The following DPY19L1 variants were observed in gnomAD, a reference collection of about 807,000 sequenced individuals.
The protein encoded by DPY19L1 is dpy-19 like C-mannosyltransferase 1.
DPY19L1 carries 35 observed loss-of-function variants against 96.9 expected under a neutral mutation model. The ratio of observed to expected loss-of-function variants is 0.36; its 90% confidence interval spans 0.28 to 0.48. The LOEUF is 0.48. Ranked by LOEUF, DPY19L1 falls within the 20% of genes least tolerant of loss-of-function variation. The pLI is 0.99. For synonymous variants in DPY19L1, 205 were observed against 252.6 expected (o/e 0.81, Z 1.79); for missense variants, 521 against 777.9 (o/e 0.67, Z 3.93).
At chr7:35,029,941 T>A (rs1786221016) in intron 1 of DPY19L1, among the ~76,000 whole-genome samples, 1 of 152,196 alleles carries the variant, frequency 6.6e-6, no homozygotes, top group Non-Finnish European at 1.5e-5. Flanking sequence ...AACTCAATAA[T>A]TACATTGGGC....
At chr7:35,029,043 A>G (rs1295456554) in intron 1 of DPY19L1, among the ~76,000 whole-genome samples, 1 of 152,188 alleles carries the variant, frequency 6.6e-6, no homozygotes, top group Non-Finnish European at 1.5e-5. Flanking sequence ...TTTTATCAGC[A>G]GGGTCTTTGT....
intron 16 of DPY19L1, among the ~76,000 whole-genome samples, chr7:34,942,840 T>C (rs1186468942): frequency 6.6e-6 from 1 of 152,182 alleles, no homozygotes; most frequent in East Asian, 1.9e-4. Context: ...AGAATGACAA[T>C]GTTGTATTAT....
chr7:35,018,151 CCT>C (rs1785905675), intron 2 of DPY19L1, among the ~76,000 whole-genome samples, 182 bp from the exon 3 acceptor site: 1 of 151,766 alleles, frequency 6.6e-6, no homozygotes, highest in Non-Finnish European at 1.5e-5. Context: ...CTAAAATTTC[CCT>C]CTCTAAAAAA....
intron 1 of DPY19L1, among the ~76,000 whole-genome samples, chr7:35,036,633 T>G (rs1786407896): frequency 6.6e-6 from 1 of 151,898 alleles, no homozygotes; most frequent in African/African-American, 2.4e-5. Flanking sequence ...ACGCTAAAAT[T>G]TAATTATAAG....
intron 21 of DPY19L1, among the ~76,000 whole-genome samples, chr7:34,936,867 T>C (rs1405491006): frequency 6.6e-6 from 1 of 152,220 alleles, no homozygotes; most frequent in East Asian, 1.9e-4. Flanking sequence ...AACAATGTTG[T>C]CTTAATACCA....
At chr7:34,979,246 A>G (rs1784890621) in intron 7 of DPY19L1, among the ~76,000 whole-genome samples, 1 of 152,108 alleles carries the variant, frequency 6.6e-6, no homozygotes, top group South Asian at 2.1e-4. Context: ...TAGAAAATAT[A>G]TCTGGCAAGA....
upstream of DPY19L1, chr7:35,037,981 G>T (rs1440728133): frequency 2.7e-6 from 3 of 1,116,024 alleles, no homozygotes; most frequent in Non-Finnish European, 2.3e-6. Context: ...GCTGCGCTTG[G>T]AGCCCGCGCA....
chr7:34,999,660 T>C (rs1584247082), intron 6 of DPY19L1, among the ~76,000 whole-genome samples: 1 of 152,056 alleles, frequency 6.6e-6, no homozygotes, highest in Non-Finnish European at 1.5e-5. Context: ...CCCCAGGGGA[T>C]AGGAGTGGGA....
At chr7:34,986,592 T>C (rs1785053406) in intron 7 of DPY19L1, among the ~76,000 whole-genome samples, 1 of 152,048 alleles carries the variant, frequency 6.6e-6, no homozygotes, top group African/African-American at 2.4e-5. Flanking sequence ...GAGATTGTTT[T>C]CAAAGTGCTC....
chr7:34,956,776 T>G (rs1784388110), intron 11 of DPY19L1, among the ~76,000 whole-genome samples: 1 of 152,076 alleles, frequency 6.6e-6, no homozygotes, highest in Non-Finnish European at 1.5e-5. Context: ...GTGCTGGGAT[T>G]AGAGGCGTGA....
At chr7:34,998,449 G>C (rs561641230) in intron 6 of DPY19L1, among the ~76,000 whole-genome samples, 126 of 152,316 alleles carry the variant, frequency 8.3e-4, no homozygotes, top group Non-Finnish European at 1.6e-3. Flanking sequence ...GTAAGGAAAA[G>C]GGAACACTGA....
chr7:34,966,295 G>T (rs1376127922), intron 10 of DPY19L1, among the ~76,000 whole-genome samples: 1 of 151,988 alleles, frequency 6.6e-6, no homozygotes, highest in Non-Finnish European at 1.5e-5. Flanking sequence ...CTCAGTTAAT[G>T]AACTTTTTTT....
chr7:34,953,098 A>G (rs913294324), intron 13 of DPY19L1, among the ~76,000 whole-genome samples: 7 of 152,176 alleles, frequency 4.6e-5, no homozygotes, highest in Admixed American at 1.3e-4. Context: ...CGGACAGCTA[A>G]AAACCTACGC....
At position 34,941,880 on chromosome 7, in the gene DPY19L1, A is replaced by G. The variant is rs1784024289; in HGVS notation, c.1574T>C (p.Val525Ala). 3 of 1,566,158 alleles carry G rather than the reference A, an allele frequency of 1.9e-6. No homozygotes were observed. Among genetic ancestry groups the G allele is most frequent in the South Asian group, 1.2e-5 (1 of 84,414 alleles). ...RKHQFDHGEL[V>A]YHALQLLAYT... ...TGCTAACAATTGCAATGCATGGTAA[A>G]CCAGCTGAAAGAAAGAAGAAAATGT... The change falls in exon 18 of 22, where the codon GTT becomes GCT. Residue 525 changes from valine to alanine, a missense_variant. By Grantham distance (64) the Val-to-Ala change is moderately conservative. Coordinates refer to ENST00000638088, the MANE Select transcript of DPY19L1 (RefSeq NM_001366673.1).
chr7:35,005,841 T>C (rs146414382), intron 6 of DPY19L1, among the ~76,000 whole-genome samples: 27 of 151,374 alleles, frequency 1.8e-4, no homozygotes, highest in Admixed American at 5.9e-4. Flanking sequence ...CTTAATTTTG[T>C]CATGTGAGAG....
intron 10 of DPY19L1, among the ~76,000 whole-genome samples, chr7:34,966,217 T>G (rs1161463642): frequency 1.3e-5 from 2 of 152,166 alleles, no homozygotes; most frequent in Non-Finnish European, 2.9e-5. Flanking sequence ...GTCTTCCCTC[T>G]TTCCCCCACT....
chr7:35,034,125 A>G (rs1380076654), intron 1 of DPY19L1, among the ~76,000 whole-genome samples: 1 of 152,090 alleles, frequency 6.6e-6, no homozygotes, highest in Non-Finnish European at 1.5e-5. Context: ...AGGGGGGAAA[A>G]GGTAGTTTTT....
intron 7 of DPY19L1, among the ~76,000 whole-genome samples, chr7:34,980,005 G>A (rs1253458060): frequency 6.6e-6 from 1 of 152,098 alleles, no homozygotes; most frequent in Non-Finnish European, 1.5e-5. Flanking sequence ...ATGAGATATT[G>A]AACTTATAAA....
chr7:34,969,596 T>G, intron 8 of DPY19L1, 64 bp from the exon 9 acceptor site: 1 of 738,502 alleles, frequency 1.4e-6, no homozygotes, highest in South Asian at 3.3e-5. Context: ...GGCTCCAAAC[T>G]GCTGCAAATT....
Sources: allele counts gnomAD v4.1 joint callset (sites outside exome capture counted in the v4.1 genomes callset), GRCh38; gene constraint gnomAD v4.1.1; transcripts MANE v1.5; gene names NCBI Gene and HGNC (gene_info 2026-07-23, HGNC 2026-07-21).